FAM228A: variants seen among roughly 807,000 people sequenced by gnomAD.
FAM228A encodes family with sequence similarity 228 member A.
FAM228A carries 13 observed loss-of-function variants against 18.6 expected under a neutral mutation model. The ratio of observed to expected loss-of-function variants is 0.70; its 90% CI spans 0.45 to 1.11. The LOEUF is 1.11. FAM228A is among the 50% of genes least tolerant of loss of function. The pLI, the probability that FAM228A is intolerant of heterozygous loss-of-function variation, is 0.00. For synonymous variants in FAM228A, 77 were observed against 86.6 expected, an observed-to-expected ratio of 0.89 and a Z score of 0.61; for missense variants, 240 against 242.2, an observed-to-expected ratio of 0.99 and a Z score of 0.06.
intron 2 of FAM228A, 42 bp downstream of exon 2, chr2:24,175,615 G>T (rs780005959): frequency 1.4e-6 from 2 of 1,439,120 alleles, no homozygotes; most frequent in East Asian, 2.3e-5. Flanking sequence ...TTGGCGGGGG[G>T]ACCCCTCGAG....
At chr2:24,184,377 CAAAA>C (rs66895555) in intron 5 of FAM228A, among the ~76,000 whole-genome samples, 1 of 108,954 alleles carries the variant, frequency 9.2e-6, no homozygotes. Flanking sequence ...GAGACACTGT[CAAAA>C]AAAAAAAAAA....
intron 3 of FAM228A, chr2:24,179,089 C>CT: frequency 2.1e-6 from 2 of 939,734 alleles, no homozygotes; most frequent in Non-Finnish European, 2.6e-6. Flanking sequence ...ATTTATTTTC[C>CT]TTTTTTGTAT....
In FAM228A at chr2:24,190,572, C is replaced by A; in HGVS notation, c.562C>A (p.Arg188=). 6.2e-7 allele frequency: 1 copy of A among 1,611,176 alleles called. No homozygotes were observed. Among genetic ancestry groups the A allele is most frequent in the Non-Finnish European group, 8.5e-7 (1 of 1,179,030 alleles). Residue 188 remains arginine, a synonymous_variant, in exon 6 of 6, where the codon CGG becomes AGG. Transcript: ENST00000295150. The stretch of plus-strand genomic sequence containing the variant: ...GGGTCTGGTGAGCAGAGGCCTGGGG[C>A]GGGGCTGGCATGCAGGGCTTTGCAG... ...RKGLVSRGLG[R]GWHAGLCSTH... is the part of the protein sequence containing the mutation.
In FAM228A at chr2:24,177,792, G is replaced by A. The variant is rs1292801793; in HGVS notation, c.94-10G>A. ...GATTCACATCTTAATATTCAATTCTGTAATTTTAGGTATTAGCTAGAGAAG... is the reference window on the plus strand; with the variant it reads ...GATTCACATCTTAATATTCAATTCTATAATTTTAGGTATTAGCTAGAGAAG... On this transcript the variant is annotated splice_polypyrimidine_tract_variant and intron_variant, in intron 2 of 5. Coordinates refer to ENST00000295150, the MANE Select transcript of FAM228A (RefSeq NM_001040710.3). The A allele has an allele frequency of 6.8e-7, 1 of 1,473,742 alleles. No homozygotes were observed. Among genetic ancestry groups the A allele is most frequent in the Admixed American group, 1.7e-5 (1 of 58,112 alleles). The allele number at this position is 1,473,742 out of a possible 1,614,324, so 91.3% of individuals were successfully genotyped here. A position where few individuals can be genotyped will look rare whatever the true frequency, so the allele number is the denominator to read the frequency against.
rs117059338 is a variant in FAM228A at position 24,190,842 on chromosome 2, A to T, written c.*211A>T. On this transcript the variant is annotated 3_prime_UTR_variant, in exon 6 of 6. Coordinates refer to ENST00000295150, the MANE Select transcript of FAM228A (RefSeq NM_001040710.3). Reference sequence around the variant, plus strand: ...GACCTGGACCCCACTTTCCGGAGACATCCTGTCCTTCCGAGGTGAGGGCCA... The same window carrying T: ...GACCTGGACCCCACTTTCCGGAGACTTCCTGTCCTTCCGAGGTGAGGGCCA... 8,328 of 1,251,648 alleles carry T rather than the reference A, an allele frequency of 6.7e-3. 39 individuals carry two copies. Among genetic ancestry groups the T allele is most frequent in the Middle Eastern group, 0.02 (64 of 3,240 alleles). The allele number at this position is 1,251,648 out of a possible 1,614,324, so 77.5% of individuals were successfully genotyped here.
chr2:24,187,889 A>AG (rs1188397764), intron 5 of FAM228A, among the ~76,000 whole-genome samples: 9 of 151,832 alleles, frequency 5.9e-5, no homozygotes, highest in Admixed American at 1.3e-4. Context: ...ATTGTCTTTG[A>AG]TTTTTTGTAG....
intron 5 of FAM228A, among the ~76,000 whole-genome samples, chr2:24,186,031 T>A (rs530578520): frequency 6.6e-6 from 1 of 152,328 alleles, no homozygotes; most frequent in African/African-American, 2.4e-5. Flanking sequence ...CACAATATTC[T>A]TTTTATTTTT....
At position 24,190,830 on chromosome 2, in the gene FAM228A, CT is replaced by C; in HGVS notation, c.*202del. On this transcript the variant is annotated 3_prime_UTR_variant, in exon 6 of 6. Transcript: ENST00000295150. ...TGGTAAATGTGGGACCTGGACCCCA[CT>C]TTCCGGAGACATCCTGTCCTTCCGA... is the stretch of plus-strand genomic sequence containing the variant. The C allele has an allele frequency of 7.9e-7, 1 of 1,268,500 alleles. No individual in the cohort carries two copies. Among genetic ancestry groups the C allele is most frequent in the African/African-American group, 1.5e-5 (1 of 65,858 alleles). The allele number at this position is 1,268,500 out of a possible 1,614,324, so 78.6% of individuals were successfully genotyped here.
At chr2:24,176,353 T>TTA (rs1667691609) in intron 2 of FAM228A, 1 of 265,344 alleles carries the variant, frequency 3.8e-6, no homozygotes, top group South Asian at 1.4e-4. Flanking sequence ...TCATTTTAAT[T>TTA]AAAAAAAATA....
chr2:24,175,785 G>A (rs1667670283), intron 2 of FAM228A: 1 of 842,646 alleles, frequency 1.2e-6, no homozygotes, highest in Non-Finnish European at 1.7e-6. Context: ...CACCGACGGG[G>A]GCGGGCAGCC....
chr2:24,183,178 C>T, intron 3 of FAM228A, 107 bp from the exon 4 acceptor site: 3 of 827,228 alleles, frequency 3.6e-6, no homozygotes, highest in East Asian at 2.5e-5. Context: ...GCCCTTCCCA[C>T]TCTTGTAGTC....
At chr2:24,187,256 C>G (rs1053810699) in intron 5 of FAM228A, among the ~76,000 whole-genome samples, 2 of 152,154 alleles carry the variant, frequency 1.3e-5, no homozygotes, top group African/African-American at 4.8e-5. Context: ...TTTAAGACAT[C>G]TTTATTTCCC....
intron 2 of FAM228A, 94 bp from the exon 3 acceptor site, chr2:24,177,708 T>G: frequency 1.4e-6 from 1 of 702,012 alleles, no homozygotes; most frequent in Non-Finnish European, 2.4e-6. Flanking sequence ...GCCTCAAGAT[T>G]TACACTAAAA....
chr2:24,176,845 A>T (rs1229633996), intron 2 of FAM228A, among the ~76,000 whole-genome samples: 1 of 152,204 alleles, frequency 6.6e-6, no homozygotes, highest in Non-Finnish European at 1.5e-5. Context: ...TCTCTTCCAG[A>T]TACTGGATTT....
intron 3 of FAM228A, chr2:24,179,295 A>C (rs1422331147): frequency 3.5e-6 from 2 of 566,924 alleles, no homozygotes; most frequent in Non-Finnish European, 4.7e-6. Context: ...CAGACATAAA[A>C]TGGTACTGAT....
intron 5 of FAM228A, among the ~76,000 whole-genome samples, chr2:24,187,069 TTC>T (rs368669070): frequency 6.6e-6 from 1 of 151,646 alleles, no homozygotes; most frequent in Admixed American, 6.6e-5. Flanking sequence ...CATTTTGCCT[TTC>T]TCTCTCTCTC....
intron 5 of FAM228A, among the ~76,000 whole-genome samples, chr2:24,187,295 G>C (rs11892632): frequency 6.6e-6 from 1 of 151,744 alleles, no homozygotes; most frequent in East Asian, 1.9e-4. Context: ...TTTATTTTTC[G>C]TAACAAATTT....
chr2:24,177,478 AAG>A (rs895595205), intron 2 of FAM228A, among the ~76,000 whole-genome samples: 39 of 152,314 alleles, frequency 2.6e-4, no homozygotes, highest in Non-Finnish European at 5.6e-4. Flanking sequence ...AATGCCTGAA[AAG>A]AGGATTCCTT....
rs760784078 is a variant in FAM228A, at chr2:24,183,282, T to C, written c.163-3T>C. ...TACTCAAAGAGTCTCATTTCTCTTGTAGGTTACAGTCCCACCATTTGTTGA... is the reference window on the plus strand; with the variant it reads ...TACTCAAAGAGTCTCATTTCTCTTGCAGGTTACAGTCCCACCATTTGTTGA... On this transcript the variant is annotated splice_region_variant and splice_polypyrimidine_tract_variant and intron_variant, in intron 3 of 5. Transcript: ENST00000295150. 1 of 1,608,528 alleles carries C rather than the reference T, an allele frequency of 6.2e-7. No individual in the cohort carries two copies. The highest frequency in any genetic ancestry group is 1.7e-5 in the Admixed American group (1 of 59,994).
Sources: gnomAD v4.1 joint callset for allele counts (sites outside exome capture counted in the v4.1 genomes callset) on GRCh38, gnomAD v4.1.1 for gene constraint, MANE v1.5 for transcripts, NCBI Gene and HGNC (gene_info 2026-07-23, HGNC 2026-07-21) for gene names.